Variants in ITFG2 observed in about 807,000 individuals in gnomAD.
ITFG2 encodes the protein integrin alpha FG-GAP repeat containing 2, also known as KICSTOR complex protein ITFG2.
ITFG2 carries 36 observed loss-of-function variants against 54.4 expected under a neutral mutation model. The observed-to-expected ratio is 0.66, with a 90% CI of 0.51 to 0.87. The LOEUF (loss-of-function observed/expected upper bound fraction) is 0.87, where lower values mean the gene tolerates loss of function less well. Among genes scored for constraint, ITFG2 ranks in the 40% least tolerant of loss-of-function variants. ITFG2 has a pLI of 0.00. For missense variants in ITFG2, 524 were observed against 576.7 expected (o/e 0.91, Z 0.94); for synonymous variants, 211 against 225.4 (o/e 0.94, Z 0.57).
chr12:2,822,509 TG>T (rs1474739254), intron 9 of ITFG2, among the ~76,000 whole-genome samples: 10 of 152,168 alleles, frequency 6.6e-5, no homozygotes, highest in Admixed American at 1.3e-4. Flanking sequence ...CCATCAGGCA[TG>T]CTTGTTGGTT....
chr12:2,822,994 T>A (rs979060894), intron 10 of ITFG2, 83 bp downstream of exon 10: 38 of 1,003,496 alleles, frequency 3.8e-5, no homozygotes, highest in Admixed American at 5.4e-5. Flanking sequence ...TGTTTGCCCC[T>A]CACTTCCCTT....
chr12:2,850,306 T>A (rs1478514049), intron 2 of ITFG2, among the ~76,000 whole-genome samples: 1 of 151,882 alleles, frequency 6.6e-6, no homozygotes, highest in Non-Finnish European at 1.5e-5. Context: ...AAACTCCGTC[T>A]CTACTAAAAA....
Position 2,824,703 on chromosome 12 carries a change from T to TA in ITFG2, c.*511dup, listed in dbSNP as rs1034715074. 1.2e-5 allele frequency: 2 copies of TA among 166,652 alleles called. No individual in the cohort carries two copies. The highest frequency in any genetic ancestry group is 4.8e-5 in the African/African-American group (2 of 41,858). The allele number at this position is 166,652 out of a possible 1,614,324, so 10.3% of individuals were successfully genotyped here. ...GAAGGATCTTTCTACAGTCTGGTCT[T>TA]ACCCATGTTCCTAGCAACCCTGAGA... is the stretch of plus-strand genomic sequence containing the variant. On this transcript the variant is annotated 3_prime_UTR_variant, in exon 12 of 12. Transcript: ENST00000228799.
chr12:2,822,705 C>A, intron 9 of ITFG2, 89 bp from the exon 10 acceptor site: 1 of 1,112,554 alleles, frequency 9.0e-7, no homozygotes, highest in Non-Finnish European at 1.4e-6. Flanking sequence ...GCCGAACCCA[C>A]GGGTGAAATT....
chr12:2,821,847 T>C, intron 9 of ITFG2, 55 bp downstream of exon 9: 2 of 1,322,822 alleles, frequency 1.5e-6, no homozygotes, highest in Non-Finnish European at 2.2e-6. Flanking sequence ...CATGGAGAGA[T>C]GAGATTTGGA....
downstream of ITFG2, chr12:2,831,000 T>C: frequency 1.4e-6 from 1 of 718,582 alleles, no homozygotes; most frequent in Admixed American, 4.3e-5. Context: ...TACCCTAGGG[T>C]CCCAGATAAT....
intron 2 of ITFG2, chr12:2,857,872 T>C (rs998228169): frequency 2.6e-5 from 4 of 152,290 alleles, no homozygotes; most frequent in African/African-American, 9.7e-5. Context: ...CCTGGTATGA[T>C]TGGGGACATT....
At chr12:2,823,120 T>C (rs1194748421) in intron 10 of ITFG2, among the ~76,000 whole-genome samples, 1 of 152,188 alleles carries the variant, frequency 6.6e-6, no homozygotes. Flanking sequence ...TTCAGCTCTT[T>C]TGTTTGGGGG....
At chr12:2,830,604 TCTCC>T (rs2097996494) in intron 2 of ITFG2, 122 of 1,271,878 alleles carry the variant, frequency 9.6e-5, no homozygotes, top group Middle Eastern at 2.5e-4. Context: ...AGGTGCCCTT[TCTCC>T]CTCCCTCCCT....
downstream of ITFG2, among the ~76,000 whole-genome samples, chr12:2,831,786 G>T (rs1433296608): frequency 6.6e-6 from 1 of 151,786 alleles, no homozygotes; most frequent in East Asian, 1.9e-4. Flanking sequence ...CTTTCAAGAT[G>T]GGATCTTGCT....
intron 2 of ITFG2, among the ~76,000 whole-genome samples, chr12:2,844,776 T>G (rs2098049630): frequency 6.6e-6 from 1 of 152,172 alleles, no homozygotes; most frequent in African/African-American, 2.4e-5. Flanking sequence ...TTCCTAGTGA[T>G]ACTCAGACTA....
intron 1 of ITFG2, among the ~76,000 whole-genome samples, chr12:2,814,010 C>T (rs1020813385): frequency 1.3e-5 from 2 of 152,188 alleles, no homozygotes; most frequent in African/African-American, 2.4e-5. Flanking sequence ...GTGGTGCAAT[C>T]GTAGCTCACT....
intron 4 of ITFG2, among the ~76,000 whole-genome samples, chr12:2,819,127 G>A (rs371851699): frequency 1.3e-5 from 2 of 152,018 alleles, no homozygotes; most frequent in East Asian, 3.9e-4. Flanking sequence ...TCAGGTGTTC[G>A]AGACCAGCCT....
At chr12:2,825,510 A>C (rs926535541), downstream of ITFG2, 6 of 152,486 alleles carry the variant, frequency 3.9e-5, no homozygotes, top group Non-Finnish European at 7.3e-5. Flanking sequence ...AGGGCGAGGA[A>C]AGCTTTTAGG....
intron 2 of ITFG2, among the ~76,000 whole-genome samples, chr12:2,851,501 C>T (rs2153928751): frequency 6.6e-6 from 1 of 152,058 alleles, no homozygotes; most frequent in East Asian, 2.0e-4. Context: ...CGCCACCATG[C>T]CCGGCTAGTT....
exon 4 of ITFG2, chr12:2,859,622 T>C: frequency 1.2e-6 from 2 of 1,612,326 alleles, no homozygotes; most frequent in Non-Finnish European, 1.7e-6. Flanking sequence ...TCCCTGGTCC[T>C]GCAGAAGAAA....
rs764910896 is a variant in ITFG2, at chr12:2,859,426, A to C, written n.621-108A>C. On this transcript the variant is annotated intron_variant and non_coding_transcript_variant, in intron 3 of 3. Coordinates refer to the ITFG2 transcript ENST00000537710. ...GTGGGAGATTGGGACGAATCCTCCCAGGAGTGAGATGATTCCTCTTTGAAA... is the reference window on the plus strand; with the variant it reads ...GTGGGAGATTGGGACGAATCCTCCCCGGAGTGAGATGATTCCTCTTTGAAA... 3.1e-6 allele frequency: 5 copies of C among 1,614,092 alleles called. No individual in the cohort carries two copies. In the South Asian group the frequency reaches 5.5e-5, roughly 18 times the overall value.
At chr12:2,822,072 C>T (rs1407324164) in intron 9 of ITFG2, among the ~76,000 whole-genome samples, 1 of 152,034 alleles carries the variant, frequency 6.6e-6, no homozygotes, top group African/African-American at 2.4e-5. Flanking sequence ...GGACTACAGG[C>T]GTGTGCCACC....
intron 1 of ITFG2, among the ~76,000 whole-genome samples, chr12:2,816,350 GAC>G (rs1180587096): frequency 1.7e-5 from 2 of 119,772 alleles, no homozygotes; most frequent in African/African-American, 6.5e-5. Context: ...TTTTTTTTGA[GAC>G]AGAGTCTCGC....
Sources: allele counts gnomAD v4.1 joint callset (sites outside exome capture counted in the v4.1 genomes callset), GRCh38; gene constraint gnomAD v4.1.1; transcripts MANE v1.5; gene names NCBI Gene and HGNC (gene_info 2026-07-23, HGNC 2026-07-21).